DCUN1D5: variants seen among roughly 807,000 people sequenced by gnomAD.
DCUN1D5 encodes the protein defective in cullin neddylation 1 domain containing 5.
Under a neutral mutation model 38.3 loss-of-function variants are expected in DCUN1D5, and 10 were observed. The ratio of observed to expected loss-of-function variants is 0.26; its 90% CI spans 0.16 to 0.44. The LOEUF is 0.44. Ranked by LOEUF, DCUN1D5 falls within the 20% of genes least tolerant of loss-of-function variation. The pLI, the probability that DCUN1D5 is intolerant of heterozygous loss-of-function variation, is 1.00. For missense variants in DCUN1D5, 148 were observed against 275.3 expected (o/e 0.54, Z 3.27); for synonymous variants, 93 against 90.9 (o/e 1.02, Z -0.13).
In DCUN1D5 at chr11:103,051,209, T is replaced by C. The variant is rs185862342; in HGVS notation, c.*11150A>G. ...TAACATTGGACTAGTCAACATACCA[T>C]CTTATGACCAAATTTAAAACAAATT... On this transcript the variant is annotated 3_prime_UTR_variant, in exon 8 of 8. Coordinates refer to ENST00000260247, the MANE Select transcript of DCUN1D5 (RefSeq NM_032299.4). 1.3e-5 allele frequency: 2 copies of C among 152,264 alleles called. No homozygotes were observed. Among genetic ancestry groups the C allele is most frequent in the Non-Finnish European group, 2.9e-5 (2 of 68,016 alleles). The allele number at this position is 152,264 out of a possible 1,614,324, so 9.4% of individuals were successfully genotyped here.
In DCUN1D5 at chr11:103,066,202, C is replaced by T; in HGVS notation, c.555+67G>A. The T allele has an allele frequency of 2.8e-6, 3 of 1,064,924 alleles. No homozygotes were observed. Among genetic ancestry groups the T allele is most frequent in the South Asian group, 4.0e-5 (2 of 50,622 alleles). 66.0% of individuals were successfully genotyped at this position (1,064,924 alleles called of 1,614,324 possible). The stretch of plus-strand genomic sequence containing the variant: ...CATACTATTAAAAATCTACTTGTTC[C>T]TCAAAAGTATAACTTTCAGATTAAG... On this transcript the variant is annotated intron_variant, in intron 6 of 7. Transcript: ENST00000260247. The surrounding 1 kb of genome is among the most constrained non-coding windows in gnomAD (Gnocchi z 4.7).
Position 103,066,646 on chromosome 11 carries a change from C to T in DCUN1D5, c.342-79G>A, listed in dbSNP as rs1244440560. On this transcript the variant is annotated intron_variant, in intron 4 of 7. Coordinates refer to ENST00000260247, the MANE Select transcript of DCUN1D5 (RefSeq NM_032299.4). The surrounding 1 kb of genome is among the most constrained non-coding windows in gnomAD (Gnocchi z 4.7). The stretch of plus-strand genomic sequence containing the variant: ...GTATCACTGGGGGTTAGACGTAATG[C>T]ATTAAGAAAAAAGTGAGCGCATTTA... 7 of 790,112 alleles carry T rather than the reference C, an allele frequency of 8.9e-6. No homozygotes were observed. Among genetic ancestry groups the T allele is most frequent in the Non-Finnish European group, 1.4e-5 (7 of 493,364 alleles). The allele number at this position is 790,112 out of a possible 1,614,324, so 48.9% of individuals were successfully genotyped here.
In DCUN1D5 at chr11:103,089,325, A is replaced by G; in HGVS notation, c.87-7T>C. On this transcript the variant is annotated splice_polypyrimidine_tract_variant and splice_region_variant and intron_variant, in intron 1 of 7. Coordinates refer to ENST00000260247, the MANE Select transcript of DCUN1D5 (RefSeq NM_032299.4). Reference sequence around the variant, plus strand: ...GGGTTGGGATCTGCAATAGCTTAGAAAACACACAGACGCCTAAGATTTTTA... The same window carrying G: ...GGGTTGGGATCTGCAATAGCTTAGAGAACACACAGACGCCTAAGATTTTTA... The G allele has an allele frequency of 6.3e-7, 1 of 1,596,610 alleles. No individual in the cohort carries two copies. The highest frequency in any genetic ancestry group is 8.6e-7 in the Non-Finnish European group (1 of 1,168,818).
At chr11:103,080,288 T>C (rs1862524900) in intron 4 of DCUN1D5, among the ~76,000 whole-genome samples, 1 of 152,206 alleles carries the variant, frequency 6.6e-6, no homozygotes, top group South Asian at 2.1e-4. Flanking sequence ...AGAGAACTGA[T>C]AATAAAGTTT....
At chr11:103,082,976 ACT>A (rs1248170781) in intron 3 of DCUN1D5, 137 bp from the exon 4 acceptor site, 3 of 680,016 alleles carry the variant, frequency 4.4e-6, no homozygotes, top group Admixed American at 3.1e-5. Context: ...GGAATTATTA[ACT>A]ATATACAAAG....
At chr11:103,068,981 GAA>G (rs1318901115) in intron 4 of DCUN1D5, among the ~76,000 whole-genome samples, 1 of 152,198 alleles carries the variant, frequency 6.6e-6, no homozygotes, top group African/African-American at 2.4e-5. Flanking sequence ...AAGAGAGAAT[GAA>G]AAGAGTGGAA....
chr11:103,079,710 G>A (rs1862506539), intron 4 of DCUN1D5, among the ~76,000 whole-genome samples: 1 of 151,716 alleles, frequency 6.6e-6, no homozygotes. Context: ...CTTGAGCCCA[G>A]GAGATTAGGT....
intron 4 of DCUN1D5, among the ~76,000 whole-genome samples, chr11:103,079,136 G>A (rs375180699): frequency 5.4e-4 from 82 of 152,152 alleles, no homozygotes; most frequent in Non-Finnish European, 1.0e-3. Context: ...CTGTGCGTGC[G>A]AGGGATCTAG....
chr11:103,088,152 C>T (rs1338358603), intron 2 of DCUN1D5, among the ~76,000 whole-genome samples: 1 of 152,070 alleles, frequency 6.6e-6, no homozygotes, highest in Non-Finnish European at 1.5e-5. Flanking sequence ...AAAATAGTCT[C>T]ACATTCCATA....
chr11:103,050,725 C>A lies in DCUN1D5; in HGVS notation c.*11634G>T, dbSNP rs1291092798. ...AATCATTTATTTATCTATTCATTTT[C>A]ATTTATTCCATTTATTGAGTGCTTT... On this transcript the variant is annotated 3_prime_UTR_variant, in exon 8 of 8. Coordinates refer to ENST00000260247, the MANE Select transcript of DCUN1D5 (RefSeq NM_032299.4). 3 of 152,142 alleles carry A rather than the reference C, an allele frequency of 2.0e-5. No individual in the cohort carries two copies. Among genetic ancestry groups the A allele is most frequent in the Non-Finnish European group, 4.4e-5 (3 of 68,006 alleles). The allele number at this position is 152,142 out of a possible 1,614,324, so 9.4% of individuals were successfully genotyped here.
Position 103,051,610 on chromosome 11 carries a change from A to G in DCUN1D5, c.*10749T>C, listed in dbSNP as rs1366556208. On this transcript the variant is annotated 3_prime_UTR_variant, in exon 8 of 8. Coordinates refer to ENST00000260247, the MANE Select transcript of DCUN1D5 (RefSeq NM_032299.4). ...TAGTCAATATCATTTATTCTTTGTC[A>G]TTAAACAAATATTTGGAACCCACTA... 2 of 149,972 alleles carry G rather than the reference A, an allele frequency of 1.3e-5. No individual in the cohort carries two copies. Among genetic ancestry groups the G allele is most frequent in the African/African-American group, 4.9e-5 (2 of 40,464 alleles). 9.3% of individuals were successfully genotyped at this position (149,972 alleles called of 1,614,324 possible).
rs1250268987 is a variant in DCUN1D5, at chr11:103,061,598, A to C, written c.*761T>G. On this transcript the variant is annotated 3_prime_UTR_variant, in exon 8 of 8. Transcript: ENST00000260247. ...ATCACAGCTAACGTTCTCTTAAGGC[A>C]AAAAAAAAAAAAAAAAGTGCTTTAA... 1.2e-5 allele frequency among the ~76,000 whole-genome samples: 1 copy of C among 80,206 alleles called. No homozygotes were observed. Among genetic ancestry groups the C allele is most frequent in the Non-Finnish European group, 2.5e-5 (1 of 40,222 alleles). 52.6% of individuals were successfully genotyped at this position (80,206 alleles called of 152,430 possible). A position where few individuals can be genotyped will look rare whatever the true frequency, so the allele number is the denominator to read the frequency against.
Position 103,073,265 on chromosome 11 carries a change from T to C in DCUN1D5, c.342-6698A>G, listed in dbSNP as rs939478894. On this transcript the variant is annotated intron_variant, in intron 4 of 7. Coordinates refer to ENST00000260247, the MANE Select transcript of DCUN1D5 (RefSeq NM_032299.4). This position sits in a 1 kb window ranked among gnomAD's most constrained non-coding sequence, Gnocchi z 4.2. ...AAAAAATGAAGAGACATTACTATCT[T>C]CCAGTATTCAAAGCAAGACTGACAA... Among the ~76,000 whole-genome samples, 1 of 151,938 alleles carries C rather than the reference T, an allele frequency of 6.6e-6. No homozygotes were observed. Among genetic ancestry groups the C allele is most frequent in the Admixed American group, 6.6e-5 (1 of 15,260 alleles).
rs545881445 is a variant in DCUN1D5, at chr11:103,063,640, T to C, written c.658+635A>G. Reference sequence around the variant, plus strand: ...CACATGCAACCAACCAAAATGGTGGTTGGAACTGAAAAAAATTTATAGTTC... The same window carrying C: ...CACATGCAACCAACCAAAATGGTGGCTGGAACTGAAAAAAATTTATAGTTC... On this transcript the variant is annotated intron_variant, in intron 7 of 7. Transcript: ENST00000260247. This position sits in a 1 kb window ranked among gnomAD's most constrained non-coding sequence, Gnocchi z 4.6. Among the ~76,000 whole-genome samples, 8 of 152,250 alleles carry C rather than the reference T, an allele frequency of 5.3e-5. No individual in the cohort carries two copies. The highest frequency in any genetic ancestry group is 1.9e-4 in the African/African-American group (8 of 41,568).
chr11:103,086,128 C>G lies in DCUN1D5; in HGVS notation c.179-2802G>C, dbSNP rs1014420648. Among the ~76,000 whole-genome samples the G allele has an allele frequency of 6.6e-6, 1 of 152,060 alleles. No individual in the cohort carries two copies. The highest frequency in any genetic ancestry group is 2.4e-5 in the African/African-American group (1 of 41,426). ...TCTTTATAACCATAAAGGAATGTTC[C>G]TAGCTATATCTGCAAGGCCTAATAC... On this transcript the variant is annotated intron_variant, in intron 2 of 7. Coordinates refer to ENST00000260247, the MANE Select transcript of DCUN1D5 (RefSeq NM_032299.4). This position sits in a 1 kb window ranked among gnomAD's most constrained non-coding sequence, Gnocchi z 4.1.
chr11:103,089,047 G>A lies in DCUN1D5; in HGVS notation c.178+180C>T, dbSNP rs924713206. 8.5e-5 allele frequency among the ~76,000 whole-genome samples: 13 copies of A among 152,188 alleles called. No individual in the cohort carries two copies. The Middle Eastern group carries it at 0.01, about 120-fold the overall frequency. On this transcript the variant is annotated intron_variant, in intron 2 of 7. Transcript: ENST00000260247. ...AATATATACCGAATATATATTTAAAGAAATATCAGCCTAAATTGGCAACAA... is the reference window on the plus strand; with the variant it reads ...AATATATACCGAATATATATTTAAAAAAATATCAGCCTAAATTGGCAACAA...
Position 103,064,148 on chromosome 11 carries a change from C to G in DCUN1D5, c.658+127G>C, listed in dbSNP as rs1342279438. 5 of 636,516 alleles carry G rather than the reference C, an allele frequency of 7.9e-6. No homozygotes were observed. Among genetic ancestry groups the G allele is most frequent in the African/African-American group, 1.9e-5 (1 of 51,830 alleles). 39.4% of individuals were successfully genotyped at this position (636,516 alleles called of 1,614,324 possible). A position where few individuals can be genotyped will look rare whatever the true frequency, so the allele number is the denominator to read the frequency against. ...TCTCTCTCTACTTCTCCCACAATCC[C>G]TCACACAATTAAATAAGTTACTATT... On this transcript the variant is annotated intron_variant, in intron 7 of 7. Coordinates refer to ENST00000260247, the MANE Select transcript of DCUN1D5 (RefSeq NM_032299.4). The surrounding 1 kb of genome is among the most constrained non-coding windows in gnomAD (Gnocchi z 4.5).
rs938512030 is a variant in DCUN1D5 at position 103,052,987 on chromosome 11, T to A, written c.*9372A>T. On this transcript the variant is annotated 3_prime_UTR_variant, in exon 8 of 8. Coordinates refer to ENST00000260247, the MANE Select transcript of DCUN1D5 (RefSeq NM_032299.4). ...CGAGGAAGACAGGGAGCTTCCCACT[T>A]AACCAGAGTATTTTAGCTTTCTGTT... is the stretch of plus-strand genomic sequence containing the variant. 1 of 152,146 alleles carries A rather than the reference T, an allele frequency of 6.6e-6. No homozygotes were observed. The highest frequency in any genetic ancestry group is 1.5e-5 in the Non-Finnish European group (1 of 67,990). 9.4% of individuals were successfully genotyped at this position (152,146 alleles called of 1,614,324 possible).
chr11:103,062,822 C>T lies in DCUN1D5; in HGVS notation c.659-408G>A, dbSNP rs1346454038. Among the ~76,000 whole-genome samples, 1 of 152,106 alleles carries T rather than the reference C, an allele frequency of 6.6e-6. No homozygotes were observed. Among genetic ancestry groups the T allele is most frequent in the Non-Finnish European group, 1.5e-5 (1 of 67,976 alleles). On this transcript the variant is annotated intron_variant, in intron 7 of 7. Transcript: ENST00000260247. This position sits in a 1 kb window ranked among gnomAD's most constrained non-coding sequence, Gnocchi z 4.6. ...AGGGATCAGCCATAATAGAGACTTA[C>T]TTTATTCCAATAACAGGATGTAGTA... is the stretch of plus-strand genomic sequence containing the variant.
Sources: gnomAD v4.1 joint callset for allele counts (sites outside exome capture counted in the v4.1 genomes callset) on GRCh38, gnomAD v4.1.1 for gene constraint, Gnocchi (gnomAD v3.1) non-coding constraint, MANE v1.5 for transcripts, NCBI Gene and HGNC (gene_info 2026-07-23, HGNC 2026-07-21) for gene names.